Variants in ARNT2 observed in about 807,000 individuals in gnomAD.
ARNT2 encodes the protein ARNT protein 2.
Under a neutral mutation model 91.7 loss-of-function variants are expected in ARNT2, and 36 were observed. That is an observed-to-expected ratio of 0.39 (90% CI 0.30 to 0.52). The LOEUF (loss-of-function observed/expected upper bound fraction) is 0.52. ARNT2 is among the 20% of genes least tolerant of loss of function. The probability of loss-of-function intolerance (pLI) is 0.72; values close to 1 mark genes in which losing one functional copy is unlikely to be tolerated. For missense variants in ARNT2, 775 were observed against 939.3 expected (o/e 0.83, Z 2.29); for synonymous variants, 365 against 347.1 (o/e 1.05, Z -0.57).
At chr15:80,505,041 A>G (rs981178347) in intron 5 of ARNT2, among the ~76,000 whole-genome samples, 2 of 152,200 alleles carry the variant, frequency 1.3e-5, no homozygotes, top group African/African-American at 4.8e-5. Flanking sequence ...AAAGGTTCTC[A>G]AGGAGGAGTG....
At chr15:80,528,418 CATCT>C (rs768070446) in intron 8 of ARNT2, among the ~76,000 whole-genome samples, 13 of 144,814 alleles carry the variant, frequency 9.0e-5, no homozygotes, top group South Asian at 6.6e-4. Context: ...ATCTATTTAT[CATCT>C]ATCTATCCAT....
At chr15:80,571,636 G>A (rs1898585144) in intron 12 of ARNT2, among the ~76,000 whole-genome samples, 1 of 152,214 alleles carries the variant, frequency 6.6e-6, no homozygotes, top group African/African-American at 2.4e-5. Context: ...AAAGGTATTA[G>A]GCAGCCTTGC....
At chr15:80,532,879 A>T (rs555153102) in intron 8 of ARNT2, among the ~76,000 whole-genome samples, 1 of 152,222 alleles carries the variant, frequency 6.6e-6, no homozygotes, top group Non-Finnish European at 1.5e-5. Flanking sequence ...GGACTCAAAT[A>T]TGGTCAAGTC....
intron 3 of ARNT2, among the ~76,000 whole-genome samples, chr15:80,460,436 T>C (rs1467189549): frequency 1.3e-5 from 2 of 152,152 alleles, no homozygotes; most frequent in African/African-American, 4.8e-5. Context: ...CTGTGTGACC[T>C]CAGGTGCACA....
At chr15:80,569,894 C>T (rs1285140466) in intron 12 of ARNT2, among the ~76,000 whole-genome samples, 1 of 152,224 alleles carries the variant, frequency 6.6e-6, no homozygotes, top group Non-Finnish European at 1.5e-5. Flanking sequence ...CACAGTGGTC[C>T]CTGTCCTGTC....
intron 1 of ARNT2, among the ~76,000 whole-genome samples, chr15:80,427,030 C>T (rs1895942805): frequency 6.6e-6 from 1 of 152,158 alleles, no homozygotes; most frequent in African/African-American, 2.4e-5. Context: ...GGCCTCATTT[C>T]CAAATACTTT....
chr15:80,432,856 C>T (rs1435104495), intron 1 of ARNT2, among the ~76,000 whole-genome samples: 2 of 152,110 alleles, frequency 1.3e-5, no homozygotes, highest in Non-Finnish European at 2.9e-5. Context: ...ATTGGAGTCC[C>T]AAGCATAAAT....
At chr15:80,558,583 G>C (rs371397106) in intron 11 of ARNT2, among the ~76,000 whole-genome samples, 1 of 151,862 alleles carries the variant, frequency 6.6e-6, no homozygotes. Flanking sequence ...CAAGTGATCC[G>C]CCTGCCTCGG....
At chr15:80,447,447 C>T (rs1471873145) in intron 1 of ARNT2, among the ~76,000 whole-genome samples, 1 of 152,196 alleles carries the variant, frequency 6.6e-6, no homozygotes, top group Non-Finnish European at 1.5e-5. Flanking sequence ...AATTCAGAAA[C>T]CCTGGAGCAC....
chr15:80,562,493 A>G (rs1282291888), intron 11 of ARNT2, among the ~76,000 whole-genome samples: 2 of 152,226 alleles, frequency 1.3e-5, no homozygotes, highest in African/African-American at 2.4e-5. Context: ...TTCTGAAGCA[A>G]TACATTTGAA....
chr15:80,469,949 C>T (rs949705472), intron 3 of ARNT2, among the ~76,000 whole-genome samples: 4 of 152,124 alleles, frequency 2.6e-5, no homozygotes, highest in South Asian at 2.1e-4. Flanking sequence ...ACAAAAATAC[C>T]TCAGGCATAT....
In ARNT2 at chr15:80,475,033, A is replaced by G; in HGVS notation, c.432A>G (p.Glu144=). The G allele has an allele frequency of 6.2e-7, 1 of 1,614,162 alleles. No homozygotes were observed. The highest frequency in any genetic ancestry group is 8.5e-7 in the Non-Finnish European group (1 of 1,180,042). Residue 144 remains glutamate, a synonymous_variant, in exon 5 of 19, where the codon GAA becomes GAG. Transcript: ENST00000303329. ...TEQELKHLIL[E]AADGFLFVVA... is the part of the protein sequence containing the mutation. Reference sequence around the variant, plus strand: ...AGGAACTGAAGCATCTCATCCTTGAAGCAGCTGATGGATTTCTGTTTGTGG... The same window carrying G: ...AGGAACTGAAGCATCTCATCCTTGAGGCAGCTGATGGATTTCTGTTTGTGG...
chr15:80,514,244 A>T, intron 7 of ARNT2, 76 bp from the exon 8 acceptor site: 2 of 1,453,574 alleles, frequency 1.4e-6, no homozygotes, highest in Non-Finnish European at 1.9e-6. Flanking sequence ...CCAGTAGCTT[A>T]GATGCCAGAG....
At chr15:80,589,474 C>T (rs1039279307) in intron 17 of ARNT2, among the ~76,000 whole-genome samples, 2 of 152,208 alleles carry the variant, frequency 1.3e-5, no homozygotes, top group Non-Finnish European at 2.9e-5. Context: ...ATTGCAGCAG[C>T]ATCCTGGGTG....
Position 80,591,750 on chromosome 15 carries a change from C to A in ARNT2, c.2055+46C>A. ...CTTCTCGTAGGTACCGGCGCCTTCT[C>A]TCTGCTTCCTTTCCCCCTCGGTCTC... On this transcript the variant is annotated intron_variant, in intron 18 of 18. Coordinates refer to ENST00000303329, the MANE Select transcript of ARNT2 (RefSeq NM_014862.4). The surrounding 1 kb of genome is among the most constrained non-coding windows in gnomAD (Gnocchi z 5.1). 2 of 1,607,866 alleles carry A rather than the reference C, an allele frequency of 1.2e-6. No individual in the cohort carries two copies. The highest frequency in any genetic ancestry group is 3.3e-4 in the Middle Eastern group (2 of 6,024).
At chr15:80,587,454 A>C (rs1893195262) in intron 17 of ARNT2, among the ~76,000 whole-genome samples, 1 of 152,174 alleles carries the variant, frequency 6.6e-6, no homozygotes, top group African/African-American at 2.4e-5. Flanking sequence ...CCACTGAGCT[A>C]AACCCAACTA....
At chr15:80,485,931 ACAAACTGGG>A (rs1896965739) in intron 5 of ARNT2, among the ~76,000 whole-genome samples, 1 of 152,164 alleles carries the variant, frequency 6.6e-6, no homozygotes, top group Admixed American at 6.5e-5. Context: ...GTACATTACT[ACAAACTGGG>A]CAGCTTAAAA....
chr15:80,535,188 C>T (rs1193721976), intron 8 of ARNT2, among the ~76,000 whole-genome samples: 2 of 148,674 alleles, frequency 1.3e-5, no homozygotes, highest in African/African-American at 2.5e-5. Flanking sequence ...TCACAATGCT[C>T]CTACAAATCT....
intron 8 of ARNT2, among the ~76,000 whole-genome samples, chr15:80,548,594 C>T (rs942044409): frequency 2.2e-4 from 34 of 152,080 alleles, no homozygotes; most frequent in Middle Eastern, 3.4e-3. Flanking sequence ...AATCAATAGC[C>T]TTCATATACA....
Sources: gnomAD v4.1 joint callset for allele counts (sites outside exome capture counted in the v4.1 genomes callset) on GRCh38, gnomAD v4.1.1 for gene constraint, Gnocchi (gnomAD v3.1) non-coding constraint, MANE v1.5 for transcripts, NCBI Gene and HGNC (gene_info 2026-07-23, HGNC 2026-07-21) for gene names.